SPOCK1: variants seen among roughly 807,000 people sequenced by gnomAD.
SPOCK1 encodes SPARC (osteonectin), cwcv and kazal like domains proteoglycan 1, also known as testican-1.
A neutral mutation model predicts 55.3 loss-of-function variants in SPOCK1; 23 were observed. The observed-to-expected ratio is 0.42, with a 90% CI of 0.30 to 0.59. The LOEUF is 0.59. Among genes scored for constraint, SPOCK1 ranks in the 20% least tolerant of loss-of-function variants. The pLI, the probability that SPOCK1 is intolerant of heterozygous loss-of-function variation, is 0.22. For missense variants in SPOCK1, 499 were observed against 552.5 expected (o/e 0.90, Z 0.97); for synonymous variants, 226 against 221.0 (o/e 1.02, Z -0.20).
chr5:137,367,510 A>T (rs1049235944), intron 2 of SPOCK1, among the ~76,000 whole-genome samples: 1 of 152,226 alleles, frequency 6.6e-6, no homozygotes, highest in African/African-American at 2.4e-5. Context: ...TGAAAAAAAT[A>T]TAAATAACTC....
At chr5:137,247,503 C>G (rs1373500770) in intron 3 of SPOCK1, among the ~76,000 whole-genome samples, 2 of 152,136 alleles carry the variant, frequency 1.3e-5, no homozygotes, top group African/African-American at 4.8e-5. Context: ...CCATAATCAA[C>G]CATAGTGCAG....
At chr5:137,339,488 C>G (rs1470330788) in intron 2 of SPOCK1, among the ~76,000 whole-genome samples, 3 of 152,218 alleles carry the variant, frequency 2.0e-5, no homozygotes, top group Non-Finnish European at 4.4e-5. Context: ...AAGAACAGAC[C>G]TAATGCACAG....
intron 3 of SPOCK1, among the ~76,000 whole-genome samples, chr5:137,246,251 C>T (rs569780808): frequency 1.3e-5 from 2 of 152,334 alleles, no homozygotes; most frequent in African/African-American, 4.8e-5. Flanking sequence ...CTCTGAGATT[C>T]AGTTCCATCA....
chr5:137,343,780 G>A (rs1160398182), intron 2 of SPOCK1, among the ~76,000 whole-genome samples: 1 of 152,200 alleles, frequency 6.6e-6, no homozygotes, highest in Non-Finnish European at 1.5e-5. Flanking sequence ...GGGGCACTCT[G>A]TTTCAGCATG....
intron 2 of SPOCK1, among the ~76,000 whole-genome samples, chr5:137,346,581 C>T (rs985294774): frequency 2.0e-5 from 3 of 152,148 alleles, no homozygotes; most frequent in South Asian, 2.1e-4. Flanking sequence ...GTGGCAGTTA[C>T]GAAAATGATG....
chr5:137,086,991 A>G (rs564476726), intron 5 of SPOCK1, among the ~76,000 whole-genome samples: 1 of 152,188 alleles, frequency 6.6e-6, no homozygotes, highest in African/African-American at 2.4e-5. Flanking sequence ...TAGAGCTGAG[A>G]CTTGACTAAT....
At chr5:137,238,458 T>C (rs1372124866) in intron 3 of SPOCK1, among the ~76,000 whole-genome samples, 1 of 152,100 alleles carries the variant, frequency 6.6e-6, no homozygotes, top group Non-Finnish European at 1.5e-5. Flanking sequence ...AAATAAGTGC[T>C]ACACATAAAA....
At chr5:137,354,400 C>T (rs1405487150) in intron 2 of SPOCK1, among the ~76,000 whole-genome samples, 1 of 152,040 alleles carries the variant, frequency 6.6e-6, no homozygotes, top group African/African-American at 2.4e-5. Context: ...TCCAAGACTC[C>T]CCAGGATGAC....
chr5:137,236,888 A>T (rs1181643407), intron 3 of SPOCK1, among the ~76,000 whole-genome samples: 9 of 152,178 alleles, frequency 5.9e-5, no homozygotes, highest in Admixed American at 5.9e-4. Flanking sequence ...AGCAAACTAT[A>T]CTTGGTCACT....
intron 2 of SPOCK1, among the ~76,000 whole-genome samples, chr5:137,272,470 A>T (rs2961646): frequency 2.0e-5 from 3 of 151,954 alleles, no homozygotes; most frequent in African/African-American, 7.3e-5. Context: ...TTTATTAAGA[A>T]AGGAGCTAGC....
At chr5:137,253,172 T>C (rs1455681222) in intron 3 of SPOCK1, among the ~76,000 whole-genome samples, 1 of 152,202 alleles carries the variant, frequency 6.6e-6, no homozygotes, top group Non-Finnish European at 1.5e-5. Flanking sequence ...ACATCATTTA[T>C]TCCCCTGCTT....
chr5:137,144,776 C>G (rs1043663522), intron 3 of SPOCK1, among the ~76,000 whole-genome samples: 67 of 152,128 alleles, frequency 4.4e-4, no homozygotes, highest in East Asian at 5.8e-4. Context: ...ATTTGAGAGG[C>G]CTTTTAATAA....
chr5:137,131,179 C>T (rs1211290603), intron 4 of SPOCK1, among the ~76,000 whole-genome samples: 1 of 152,044 alleles, frequency 6.6e-6, no homozygotes, highest in Non-Finnish European at 1.5e-5. Flanking sequence ...CCTCTGGGTT[C>T]GGATCTTGAT....
intron 4 of SPOCK1, among the ~76,000 whole-genome samples, chr5:137,120,073 G>A (rs573713733): frequency 2.6e-5 from 4 of 152,248 alleles, no homozygotes; most frequent in East Asian, 3.9e-4. Flanking sequence ...GCATCAGGGT[G>A]GAGGGCATCC....
chr5:137,371,883 T>C (rs1442021526), intron 2 of SPOCK1, among the ~76,000 whole-genome samples: 2 of 152,166 alleles, frequency 1.3e-5, no homozygotes, highest in Non-Finnish European at 2.9e-5. Context: ...GCTGTTACTA[T>C]CCTCAGGTGA....
chr5:137,271,247 C>T (rs2961649), intron 2 of SPOCK1, among the ~76,000 whole-genome samples: 102,859 of 151,258 alleles, frequency 0.68, 35,503 homozygotes, highest in African/African-American at 0.77. Context: ...TAAGATAGTA[C>T]TGAAACCTGT....
intron 4 of SPOCK1, among the ~76,000 whole-genome samples, chr5:137,114,070 C>A (rs1316146572): frequency 6.6e-6 from 1 of 152,150 alleles, no homozygotes; most frequent in African/African-American, 2.4e-5. Context: ...GGGGAACAAC[C>A]TTTGAGGGTG....
At chr5:137,398,776 A>T (rs1751910581) in intron 2 of SPOCK1, among the ~76,000 whole-genome samples, 1 of 152,214 alleles carries the variant, frequency 6.6e-6, no homozygotes, top group Non-Finnish European at 1.5e-5. Context: ...CTAATACTAT[A>T]ACACTTGTTT....
At chr5:137,254,661 A>G (rs1211941856) in intron 3 of SPOCK1, among the ~76,000 whole-genome samples, 1 of 152,256 alleles carries the variant, frequency 6.6e-6, no homozygotes, top group Non-Finnish European at 1.5e-5. Context: ...GAAGCTCCAC[A>G]TAACACTGCC....
Sources: allele counts gnomAD v4.1 joint callset (sites outside exome capture counted in the v4.1 genomes callset), GRCh38; gene constraint gnomAD v4.1.1; transcripts MANE v1.5; gene names NCBI Gene and HGNC (gene_info 2026-07-23, HGNC 2026-07-21).